ZNF804B: variants seen among roughly 807,000 people sequenced by gnomAD.
ZNF804B encodes zinc finger protein 804B.
A neutral mutation model predicts 101.4 loss-of-function variants in ZNF804B; 80 were observed. The observed-to-expected ratio is 0.79, with a 90% confidence interval of 0.66 to 0.95. The LOEUF is 0.95. ZNF804B is among the 40% of genes least tolerant of loss of function. The pLI is 0.00. For missense variants in ZNF804B, 1,673 were observed against 1,561.9 expected (o/e 1.07, Z -1.20); for synonymous variants, 622 against 558.8 (o/e 1.11, Z -1.59).
chr7:89,221,249 A>G (rs991426402), intron 2 of ZNF804B, among the ~76,000 whole-genome samples: 6 of 151,990 alleles, frequency 3.9e-5, no homozygotes, highest in African/African-American at 1.2e-4. Context: ...CATATATTAG[A>G]TAGATTACGT....
intron 2 of ZNF804B, among the ~76,000 whole-genome samples, chr7:89,278,194 G>C (rs1318766629): frequency 6.6e-6 from 1 of 150,442 alleles, no homozygotes; most frequent in African/African-American, 2.4e-5. Flanking sequence ...TTTTGATGGG[G>C]TTGTTTGTTT....
chr7:89,151,716 T>A (rs1790879808), intron 1 of ZNF804B, among the ~76,000 whole-genome samples: 1 of 152,016 alleles, frequency 6.6e-6, no homozygotes, highest in African/African-American at 2.4e-5. Context: ...AAAAAATAAT[T>A]TTCCTGAAAG....
chr7:88,958,429 T>G (rs1434903432), intron 1 of ZNF804B, among the ~76,000 whole-genome samples: 2 of 151,604 alleles, frequency 1.3e-5, no homozygotes, highest in East Asian at 3.9e-4. Flanking sequence ...GTATCTTATT[T>G]TATTTATGTA....
Position 89,334,293 on chromosome 7 carries a change from A to C in ZNF804B, c.1311A>C (p.Ala437=). ...AAGAAGCATGTACCCATAATGTGGC[A>C]TCTAAACCACTACCTTTTCTCCACG... ...LVKEACTHNV[A]SKPLPFLHVQ... Residue 437 remains alanine, a synonymous_variant, in exon 4 of 4, where the codon GCA becomes GCC. Transcript: ENST00000333190. 1 of 1,613,866 alleles carries C rather than the reference A, an allele frequency of 6.2e-7. No individual in the cohort carries two copies. Among genetic ancestry groups the C allele is most frequent in the Non-Finnish European group, 8.5e-7 (1 of 1,179,862 alleles).
chr7:89,182,715 A>C (rs1788315677), intron 1 of ZNF804B, among the ~76,000 whole-genome samples: 1 of 152,154 alleles, frequency 6.6e-6, no homozygotes, highest in African/African-American at 2.4e-5. Flanking sequence ...ATTCTCTGGA[A>C]ATTATTAGAA....
At chr7:89,325,967 A>C (rs1316734211) in intron 2 of ZNF804B, among the ~76,000 whole-genome samples, 1 of 151,982 alleles carries the variant, frequency 6.6e-6, no homozygotes, top group African/African-American at 2.4e-5. Flanking sequence ...CGAGGAAGTG[A>C]GTAGCAGGGT....
chr7:88,976,876 G>A (rs1220988400), intron 1 of ZNF804B, among the ~76,000 whole-genome samples: 1 of 151,468 alleles, frequency 6.6e-6, no homozygotes, highest in African/African-American at 2.4e-5. Flanking sequence ...TGGGTCTGTG[G>A]TACATGGCTT....
At chr7:88,847,300 A>C (rs1396367983) in intron 1 of ZNF804B, among the ~76,000 whole-genome samples, 1 of 151,670 alleles carries the variant, frequency 6.6e-6, no homozygotes, top group Non-Finnish European at 1.5e-5. Context: ...TATTCCATCA[A>C]AAAAAATTTG....
intron 1 of ZNF804B, among the ~76,000 whole-genome samples, chr7:89,173,676 G>C (rs2116438135): frequency 6.6e-6 from 1 of 151,990 alleles, no homozygotes; most frequent in East Asian, 1.9e-4. Flanking sequence ...AAAGAAACCA[G>C]ACACATATGC....
In ZNF804B at chr7:88,869,295, C is replaced by T. The variant is rs115531354; in HGVS notation, c.108+109211C>T. On this transcript the variant is annotated intron_variant, in intron 1 of 3. Coordinates refer to ENST00000333190, the MANE Select transcript of ZNF804B (RefSeq NM_181646.5). ...GTTCCCTGTCATCTTTCTTCCAGTCCTTTGTATTACCCACCAGGTATACCT... is the reference window on the plus strand; with the variant it reads ...GTTCCCTGTCATCTTTCTTCCAGTCTTTTGTATTACCCACCAGGTATACCT... 4.5e-3 allele frequency among the ~76,000 whole-genome samples: 691 copies of T among 152,190 alleles called. 7 individuals carry two copies. The highest frequency in any genetic ancestry group is 0.016 in the African/African-American group (662 of 41,518).
chr7:89,193,186 C>T (rs988771018), intron 1 of ZNF804B, among the ~76,000 whole-genome samples: 1 of 151,260 alleles, frequency 6.6e-6, no homozygotes, highest in Non-Finnish European at 1.5e-5. Flanking sequence ...GGCTTCTAAA[C>T]AGGAAGAGAG....
intron 2 of ZNF804B, among the ~76,000 whole-genome samples, chr7:89,232,764 A>G (rs148512943): frequency 1.3e-5 from 2 of 152,186 alleles, no homozygotes; most frequent in African/African-American, 2.4e-5. Context: ...TATTTTTCTC[A>G]GTAAGTCTAG....
chr7:89,163,963 G>C (rs1319452433), intron 1 of ZNF804B, among the ~76,000 whole-genome samples: 1 of 150,878 alleles, frequency 6.6e-6, no homozygotes, highest in East Asian at 1.9e-4. Flanking sequence ...AATATAAGCT[G>C]ATATTTTTAC....
chr7:88,883,227 A>G (rs1157793827), intron 1 of ZNF804B, among the ~76,000 whole-genome samples: 1 of 152,112 alleles, frequency 6.6e-6, no homozygotes, highest in Non-Finnish European at 1.5e-5. Context: ...CTCCACTGCC[A>G]GAGATTTTGA....
chr7:88,859,915 C>T (rs1244928261), intron 1 of ZNF804B, among the ~76,000 whole-genome samples: 1 of 151,610 alleles, frequency 6.6e-6, no homozygotes, highest in Non-Finnish European at 1.5e-5. Context: ...TCCTTATGTA[C>T]TTCAAAAAGA....
chr7:88,914,052 T>C (rs1280955523), intron 1 of ZNF804B, among the ~76,000 whole-genome samples: 1 of 152,172 alleles, frequency 6.6e-6, no homozygotes, highest in East Asian at 1.9e-4. Flanking sequence ...TCCTTCTGCC[T>C]CCTATTGAAT....
intron 1 of ZNF804B, among the ~76,000 whole-genome samples, chr7:89,192,738 A>G (rs1005530067): frequency 1.3e-5 from 2 of 152,064 alleles, no homozygotes; most frequent in African/African-American, 2.4e-5. Flanking sequence ...ATGAATATCA[A>G]TGCAAACATC....
chr7:89,132,683 C>T (rs1465529943), intron 1 of ZNF804B, among the ~76,000 whole-genome samples: 1 of 152,038 alleles, frequency 6.6e-6, no homozygotes, highest in Admixed American at 6.6e-5. Flanking sequence ...TGCTAGGACT[C>T]AGTACCTAGA....
At chr7:88,972,100 G>A (rs1584046959) in intron 1 of ZNF804B, among the ~76,000 whole-genome samples, 2 of 151,488 alleles carry the variant, frequency 1.3e-5, no homozygotes, top group African/African-American at 4.8e-5. Context: ...TCTTTATTGA[G>A]AAGCCATTAC....
Sources: gnomAD v4.1 joint callset for allele counts (sites outside exome capture counted in the v4.1 genomes callset) on GRCh38, gnomAD v4.1.1 for gene constraint, MANE v1.5 for transcripts, NCBI Gene and HGNC (gene_info 2026-07-23, HGNC 2026-07-21) for gene names.